The following YTHDC2 variants were observed in gnomAD, a reference collection of about 807,000 sequenced individuals.
The protein encoded by YTHDC2 is 3'-5' RNA helicase YTHDC2.
A neutral mutation model predicts 174.9 loss-of-function variants in YTHDC2; 45 were observed. The ratio of observed to expected loss-of-function variants is 0.26; its 90% CI spans 0.20 to 0.33. The LOEUF is 0.33. Among genes scored for constraint, YTHDC2 ranks in the 10% least tolerant of loss-of-function variants. The pLI is 1.00. For missense variants in YTHDC2, 1,650 were observed against 1,723.7 expected, an observed-to-expected ratio of 0.96 and a Z score of 0.76; for synonymous variants, 657 against 574.5, an observed-to-expected ratio of 1.14 and a Z score of -2.05.
chr5:113,526,741 G>A lies in YTHDC2; in HGVS notation c.631G>A (p.Val211Ile). The A allele has an allele frequency of 2.6e-6, 4 of 1,552,604 alleles. No homozygotes were observed. Among genetic ancestry groups the A allele is most frequent in the South Asian group, 1.2e-5 (1 of 82,742 alleles). Residue 211 changes from valine to isoleucine, a missense_variant, in exon 4 of 30, where the codon GTA becomes ATA. This residue lies in a region of YTHDC2 where 304 missense variants were observed against 341.4 expected (regional missense o/e 0.89). Coordinates refer to ENST00000161863, the MANE Select transcript of YTHDC2 (RefSeq NM_022828.5). ...EIVKIIKENK[V>I]VLIVGETGSG... is the part of the protein sequence containing the mutation. ...TGTTAAAATAATTAAGGAAAATAAA[G>A]TAGTTTTGATTGTAGGAGAAACTGG...
Position 113,535,761 on chromosome 5 carries a change from C to T in YTHDC2, c.1065C>T (p.Leu355=). Residue 355 remains leucine, a synonymous_variant, in exon 7 of 30, where the codon CTC becomes CTT. Transcript: ENST00000161863. The part of the protein sequence containing the change: ...ILSSAALDVN[L]FIRYFGSCPV... ...CTAGTGCTGCCTTGGATGTAAATCT[C>T]TTTATAAGATATTTTGGAAGTTGTC... 1 of 1,612,212 alleles carries T rather than the reference C, an allele frequency of 6.2e-7. No homozygotes were observed.
In YTHDC2 at chr5:113,593,963, G is replaced by A. The variant is rs1779137099; in HGVS notation, c.*489G>A. The A allele has an allele frequency of 6.6e-6, 1 of 152,154 alleles. No homozygotes were observed. The highest frequency in any genetic ancestry group is 1.5e-5 in the Non-Finnish European group (1 of 68,020). 9.4% of individuals were successfully genotyped at this position (152,154 alleles called of 1,614,324 possible). ...CAACAAGGACAACAACAAAAAACCA[G>A]TGAAATTCTACAAGTGTCCCTTTTA... On this transcript the variant is annotated 3_prime_UTR_variant, in exon 30 of 30. Transcript: ENST00000161863.
intron 10 of YTHDC2, among the ~76,000 whole-genome samples, chr5:113,543,748 A>G (rs758818647): frequency 1.3e-5 from 2 of 152,104 alleles, no homozygotes; most frequent in Admixed American, 6.5e-5. Flanking sequence ...CTCCTTGTTC[A>G]CTGTGCCTAG....
rs34243829 is a variant in YTHDC2, at chr5:113,589,408, A to AAT, written c.3826-1610_3826-1609dup. On this transcript the variant is annotated intron_variant, in intron 26 of 29. Coordinates refer to ENST00000161863, the MANE Select transcript of YTHDC2 (RefSeq NM_022828.5). The stretch of plus-strand genomic sequence containing the variant: ...TCTTTTAAAAATTAAAAAAAAAAAA[A>AAT]ATATATATATATATATATATATATG... Among the ~76,000 whole-genome samples, 878 of 123,218 alleles carry AAT rather than the reference A, an allele frequency of 7.1e-3. 9 individuals are homozygous for AAT. Among genetic ancestry groups the AAT allele is most frequent in the South Asian group, 0.028 (109 of 3,890 alleles). The allele number at this position is 123,218 out of a possible 152,430, so 80.8% of individuals were successfully genotyped here.
intron 23 of YTHDC2, among the ~76,000 whole-genome samples, chr5:113,579,114 C>G (rs1778239991): frequency 1.3e-5 from 2 of 151,760 alleles, no homozygotes; most frequent in South Asian, 2.1e-4. Context: ...TCTAATTCAT[C>G]TTTTTATAAT....
Position 113,540,940 on chromosome 5 carries a change from C to T in YTHDC2, c.1211-28C>T, listed in dbSNP as rs751560677. On this transcript the variant is annotated intron_variant, in intron 8 of 29. Coordinates refer to ENST00000161863, the MANE Select transcript of YTHDC2 (RefSeq NM_022828.5). The stretch of plus-strand genomic sequence containing the variant: ...TTTCAAAAAGGAAATGATTTGTCTA[C>T]ATATTCTTTCTTTGATAATTAATTT... The T allele has an allele frequency of 3.1e-6, 5 of 1,593,062 alleles. No individual in the cohort carries two copies. The South Asian group carries it at 4.5e-5, about 14-fold the overall frequency.
At chr5:113,514,132 C>A (rs574571774) in intron 1 of YTHDC2, 50 bp downstream of exon 1, 1 of 1,563,274 alleles carries the variant, frequency 6.4e-7, no homozygotes, top group Non-Finnish European at 8.6e-7. Context: ...CCCCCCTCAC[C>A]CCAGCGCCCC....
intron 2 of YTHDC2, among the ~76,000 whole-genome samples, chr5:113,519,606 C>T (rs766217904): frequency 6.6e-6 from 1 of 152,102 alleles, no homozygotes; most frequent in Non-Finnish European, 1.5e-5. Context: ...AATAGAGTAC[C>T]AAAGTACAGT....
chr5:113,526,552 C>A, intron 3 of YTHDC2, 34 bp from the exon 4 acceptor site: 3 of 1,522,714 alleles, frequency 2.0e-6, no homozygotes, highest in South Asian at 2.6e-5. Context: ...CCGTGTTGAT[C>A]ATACATTTTT....
Position 113,553,681 on chromosome 5 carries a change from A to C in YTHDC2, c.1959A>C (p.Thr653=). ...ATGACAAGCGGTTTGCTGACAGTAC[A>C]CATAGGTAAGGGCTAAAGCCTTATA... The part of the protein sequence containing the change: ...LFDDKRFADS[T]HRYQVFMLHS... The change falls in exon 14 of 30, where the codon ACA becomes ACC. Residue 653 remains threonine, a synonymous_variant. Coordinates refer to ENST00000161863, the MANE Select transcript of YTHDC2 (RefSeq NM_022828.5). 6.2e-7 allele frequency: 1 copy of C among 1,613,496 alleles called. No homozygotes were observed. The highest frequency in any genetic ancestry group is 8.5e-7 in the Non-Finnish European group (1 of 1,179,550).
At position 113,548,661 on chromosome 5, in the gene YTHDC2, A is replaced by G. The variant is rs1430711790; in HGVS notation, c.1616A>G (p.Asn539Ser). The G allele has an allele frequency of 6.2e-7, 1 of 1,605,200 alleles. No individual in the cohort carries two copies. The highest frequency in any genetic ancestry group is 1.3e-5 in the African/African-American group (1 of 74,504). The change falls in exon 11 of 30, where the codon AAT becomes AGT. Residue 539 changes from asparagine (N) to serine (S), a missense_variant. This residue lies in a region of YTHDC2 where 411 missense variants were observed against 380.6 expected (regional missense o/e 1.08). Coordinates refer to ENST00000161863, the MANE Select transcript of YTHDC2 (RefSeq NM_022828.5). ...MGANVHSKASNGWMALDWAKH... is the reference protein window; with the variant it reads ...MGANVHSKASSGWMALDWAKH... ...GCCAATGTCCATAGTAAAGCATCAA[A>G]TGGCTGGTAATTTTAAACTACGTTG...
chr5:113,527,000 T>TAATTTACTTATTTTTAAAC (rs1774305995), intron 4 of YTHDC2, among the ~76,000 whole-genome samples: 1 of 152,002 alleles, frequency 6.6e-6, no homozygotes, highest in Non-Finnish European at 1.5e-5. Flanking sequence ...ATGTTTTAAA[T>TAATTTACTTATTTTTAAAC]AATTTACTTA....
chr5:113,559,407 G>A (rs1776816695), intron 17 of YTHDC2, among the ~76,000 whole-genome samples: 5 of 152,136 alleles, frequency 3.3e-5, no homozygotes, highest in Admixed American at 2.6e-4. Context: ...ATTGAAGTAA[G>A]AGCAAATATC....
chr5:113,533,945 A>G lies in YTHDC2; in HGVS notation c.843-360A>G, dbSNP rs181314462. Among the ~76,000 whole-genome samples the G allele has an allele frequency of 1.6e-4, 25 of 152,300 alleles. No homozygotes were observed. The East Asian group carries it at 3.7e-3, about 22-fold the overall frequency. ...GCATTTTGGATAAGGAATACTCAGT[A>G]TATGTAGTATTAGTAATGCCTTCTT... On this transcript the variant is annotated intron_variant, in intron 5 of 29. Transcript: ENST00000161863.
intron 20 of YTHDC2, among the ~76,000 whole-genome samples, chr5:113,565,081 T>C (rs1207443923): frequency 1.3e-5 from 2 of 152,196 alleles, no homozygotes; most frequent in South Asian, 4.1e-4. Flanking sequence ...CCCAAAGTGC[T>C]GGGATTACCA....
chr5:113,556,522 A>G (rs1368923277), intron 17 of YTHDC2, among the ~76,000 whole-genome samples: 1 of 152,236 alleles, frequency 6.6e-6, no homozygotes, highest in Non-Finnish European at 1.5e-5. Context: ...AAAATAAAAA[A>G]TATGCATGTC....
chr5:113,545,997 C>G (rs1467695223), intron 10 of YTHDC2, among the ~76,000 whole-genome samples: 1 of 51,148 alleles, frequency 2.0e-5, no homozygotes, highest in Non-Finnish European at 3.3e-5. Context: ...GCCTCGGCCT[C>G]CCAAAGTGCT....
At chr5:113,578,088 G>C (rs1778174883) in intron 23 of YTHDC2, among the ~76,000 whole-genome samples, 1 of 152,108 alleles carries the variant, frequency 6.6e-6, no homozygotes, top group South Asian at 2.1e-4. Flanking sequence ...GAATTTTAAA[G>C]GTTCAAATTC....
chr5:113,584,171 C>T, intron 25 of YTHDC2, 131 bp from the exon 26 acceptor site: 4 of 698,574 alleles, frequency 5.7e-6, no homozygotes, highest in Non-Finnish European at 8.8e-6. Flanking sequence ...AAATAATATT[C>T]CATAAATCAT....
Sources: allele counts gnomAD v4.1 joint callset (sites outside exome capture counted in the v4.1 genomes callset), GRCh38; gene constraint gnomAD v4.1.1; regional missense constraint gnomAD v4.1.1; transcripts MANE v1.5; gene names NCBI Gene and HGNC (gene_info 2026-07-23, HGNC 2026-07-21).